The following ATF2 variants were observed in gnomAD, a reference collection of about 807,000 sequenced individuals.
ATF2 encodes cyclic AMP-dependent transcription factor ATF-2.
ATF2 carries 24 observed loss-of-function variants against 60.6 expected under a neutral mutation model. The ratio of observed to expected loss-of-function variants is 0.40; its 90% CI spans 0.29 to 0.56. The LOEUF (loss-of-function observed/expected upper bound fraction) is 0.56, where lower values mean the gene tolerates loss of function less well. Among genes scored for constraint, ATF2 ranks in the 20% least tolerant of loss-of-function variants. The pLI, the probability that ATF2 is intolerant of heterozygous loss-of-function variation, is 0.54. For missense variants in ATF2, 433 were observed against 607.7 expected (o/e 0.71, Z 3.02); for synonymous variants, 206 against 215.4 (o/e 0.96, Z 0.38).
chr2:175,135,324 T>C (rs925833956), intron 3 of ATF2, among the ~76,000 whole-genome samples: 1 of 152,098 alleles, frequency 6.6e-6, no homozygotes, highest in South Asian at 2.1e-4. Flanking sequence ...ACAGGGAATG[T>C]CAAAAGTCGA....
Position 175,111,647 on chromosome 2 carries a change from C to T in ATF2, c.749G>A (p.Arg250Gln), listed in dbSNP as rs776749135. 12 of 1,613,096 alleles carry T rather than the reference C, an allele frequency of 7.4e-6. No homozygotes were observed. The highest frequency in any genetic ancestry group is 5.5e-5 in the South Asian group (5 of 90,984). Residue 250 changes from arginine to glutamine, a missense_variant, in exon 10 of 14, where the codon CGA becomes CAA. This residue lies in a region of ATF2 where 246 missense variants were observed against 309.3 expected (regional missense o/e 0.80). Coordinates refer to ENST00000264110, the MANE Select transcript of ATF2 (RefSeq NM_001880.4). ...AACACTAGGCACCATGGTGACTGGT[C>T]GAACGAGCTATGCATGACATAAGGA... Reference protein sequence around the residue: ...VHVPAAVPLVRPVTMVPSVPG... With the variant: ...VHVPAAVPLVQPVTMVPSVPG...
chr2:175,078,886 A>G (rs1693560373), intron 13 of ATF2, among the ~76,000 whole-genome samples: 1 of 152,178 alleles, frequency 6.6e-6, no homozygotes, highest in African/African-American at 2.4e-5. Flanking sequence ...ACAAAATCCA[A>G]TTATCTCCCA....
rs150440606 is a variant in ATF2 at position 175,141,084 on chromosome 2, T to TACAC, written c.-43-4602_-43-4599dup. Among the ~76,000 whole-genome samples, 1,178 of 133,600 alleles carry TACAC rather than the reference T, an allele frequency of 8.8e-3. 16 individuals are homozygous for TACAC. The highest frequency in any genetic ancestry group is 0.029 in the African/African-American group (1,027 of 35,912). 87.6% of individuals were successfully genotyped at this position (133,600 alleles called of 152,430 possible). A position where few individuals can be genotyped will look rare whatever the true frequency, so the allele number is the denominator to read the frequency against. On this transcript the variant is annotated intron_variant, in intron 2 of 13. Coordinates refer to ENST00000264110, the MANE Select transcript of ATF2 (RefSeq NM_001880.4). Reference sequence around the variant, plus strand: ...ATATATGTGTGTGTATATATATGTATACACACACACACACACAAATATCCT... The same window carrying TACAC: ...ATATATGTGTGTGTATATATATGTATACACACACACACACACACACAAATATCCT...
intron 1 of ATF2, among the ~76,000 whole-genome samples, chr2:175,167,417 G>T (rs1306805906): frequency 6.6e-6 from 1 of 151,842 alleles, no homozygotes; most frequent in African/African-American, 2.4e-5. Flanking sequence ...GGGATTGTGA[G>T]GGTGGCGGAA....
chr2:175,107,144 G>A (rs1695727936), intron 10 of ATF2, among the ~76,000 whole-genome samples: 1 of 151,990 alleles, frequency 6.6e-6, no homozygotes, highest in African/African-American at 2.4e-5. Flanking sequence ...ATCAATAAAA[G>A]AAAAACAACA....
chr2:175,128,031 G>A (rs757362873), intron 4 of ATF2, among the ~76,000 whole-genome samples: 11 of 152,224 alleles, frequency 7.2e-5, no homozygotes, highest in Admixed American at 6.5e-5. Context: ...AAATGGTGTG[G>A]TACTAGCATA....
In ATF2 at chr2:175,076,166, T is replaced by G. The variant is rs935075223; in HGVS notation, c.1292-1331A>C. On this transcript the variant is annotated intron_variant, in intron 13 of 13. Coordinates refer to ENST00000264110, the MANE Select transcript of ATF2 (RefSeq NM_001880.4). ...TTAGCTAAAATAAAATTATTAATTTTGTGCATTTTCTGAAATATAGTTTTT... is the reference window on the plus strand; with the variant it reads ...TTAGCTAAAATAAAATTATTAATTTGGTGCATTTTCTGAAATATAGTTTTT... Among the ~76,000 whole-genome samples, 37 of 152,316 alleles carry G rather than the reference T, an allele frequency of 2.4e-4. 1 individual carries two copies. Among genetic ancestry groups the G allele is most frequent in the African/African-American group, 7.0e-4 (29 of 41,574 alleles).
rs1037355532 is a variant in ATF2 at position 175,073,807 on chromosome 2, A to G, written c.*802T>C. 3.3e-5 allele frequency: 5 copies of G among 152,184 alleles called. No individual in the cohort carries two copies. The highest frequency in any genetic ancestry group is 1.2e-4 in the African/African-American group (5 of 41,470). The allele number at this position is 152,184 out of a possible 1,614,324, so 9.4% of individuals were successfully genotyped here. A position where few individuals can be genotyped will look rare whatever the true frequency, so the allele number is the denominator to read the frequency against. On this transcript the variant is annotated 3_prime_UTR_variant, in exon 14 of 14. Coordinates refer to ENST00000264110, the MANE Select transcript of ATF2 (RefSeq NM_001880.4). ...CCAAAAACAAGAGCTAATTTCAAAA[A>G]TTATTAGATATTTGATAACCCTGTA...
In ATF2 at chr2:175,121,503, T is replaced by C; in HGVS notation, c.140A>G (p.His47Arg). 1 of 1,605,446 alleles carries C rather than the reference T, an allele frequency of 6.2e-7. No homozygotes were observed. The highest frequency in any genetic ancestry group is 8.5e-7 in the Non-Finnish European group (1 of 1,175,186). The part of the protein sequence containing the change: ...TNEDHLAVHK[H>R]KHEMTLKFGP... Reference sequence around the variant, plus strand: ...AAATTTCAGTGTCATCTCATGTTTATGTTTATGGACAGCCAAATGATCCTC... The same window carrying C: ...AAATTTCAGTGTCATCTCATGTTTACGTTTATGGACAGCCAAATGATCCTC... Residue 47 changes from histidine to arginine, a missense_variant, in exon 5 of 14, where the codon CAT (histidine) becomes CGT (arginine). By Grantham distance (29) the His-to-Arg change is conservative. Transcript: ENST00000264110.
chr2:175,161,691 T>C (rs1700036606), intron 1 of ATF2, among the ~76,000 whole-genome samples: 1 of 152,208 alleles, frequency 6.6e-6, no homozygotes, highest in African/African-American at 2.4e-5. Flanking sequence ...AATTTGTCAT[T>C]ATAAATCTTA....
At chr2:175,118,163 T>G in intron 6 of ATF2, 45 bp from the exon 7 acceptor site, 1 of 1,598,428 alleles carries the variant, frequency 6.3e-7, no homozygotes, top group South Asian at 1.1e-5. Context: ...TCAAAAACAG[T>G]GTGTCTAAAT....
intron 2 of ATF2, among the ~76,000 whole-genome samples, chr2:175,143,060 T>C (rs1258595340): frequency 6.6e-6 from 1 of 152,192 alleles, no homozygotes; most frequent in African/African-American, 2.4e-5. Context: ...TCACTTGTTA[T>C]ATCCTAATAA....
At chr2:175,099,118 T>C (rs573204680) in intron 10 of ATF2, among the ~76,000 whole-genome samples, 159 of 151,308 alleles carry the variant, frequency 1.1e-3, no homozygotes, top group African/African-American at 3.5e-3. Context: ...TTTTTTTTTT[T>C]TTTCAAGAGG....
chr2:175,134,464 A>G (rs749799186), intron 3 of ATF2, among the ~76,000 whole-genome samples: 6 of 151,994 alleles, frequency 3.9e-5, no homozygotes, highest in Non-Finnish European at 8.8e-5. Flanking sequence ...CCTGGCATAC[A>G]GCAAACCAGT....
chr2:175,112,582 G>A (rs546950758), intron 9 of ATF2, among the ~76,000 whole-genome samples: 21 of 152,220 alleles, frequency 1.4e-4, no homozygotes, highest in Admixed American at 7.8e-4. Flanking sequence ...TTAAAAATAA[G>A]TTTTATTTTT....
intron 10 of ATF2, among the ~76,000 whole-genome samples, chr2:175,101,433 T>C (rs2105625053): frequency 6.6e-6 from 1 of 152,080 alleles, no homozygotes; most frequent in East Asian, 1.9e-4. Flanking sequence ...TAGTGATAAA[T>C]TGGGGCTTTC....
intron 10 of ATF2, among the ~76,000 whole-genome samples, chr2:175,101,965 A>G (rs1695342937): frequency 6.6e-6 from 1 of 152,226 alleles, no homozygotes; most frequent in Non-Finnish European, 1.5e-5. Context: ...AGGTCAAAAA[A>G]GCAGTCACTA....
chr2:175,108,448 G>T (rs778402205), intron 10 of ATF2, among the ~76,000 whole-genome samples: 9 of 145,794 alleles, frequency 6.2e-5, no homozygotes, highest in East Asian at 4.2e-4. Context: ...CAGCAGCCCC[G>T]TCCGGGAGGG....
chr2:175,148,855 C>G (rs1327125473), intron 2 of ATF2, among the ~76,000 whole-genome samples: 5 of 152,108 alleles, frequency 3.3e-5, no homozygotes, highest in Non-Finnish European at 2.9e-5. Context: ...ACCCCACCCC[C>G]CAAACTTCCA....
Sources: allele counts gnomAD v4.1 joint callset (sites outside exome capture counted in the v4.1 genomes callset), GRCh38; gene constraint gnomAD v4.1.1; regional missense constraint gnomAD v4.1.1; transcripts MANE v1.5; gene names NCBI Gene and HGNC (gene_info 2026-07-23, HGNC 2026-07-21).